Variants in NR6A1 observed in about 807,000 individuals in gnomAD.
NR6A1 encodes retinoic acid receptor-related testis-associated receptor.
In NR6A1, 7 loss-of-function variants were observed where a neutral mutation model predicts 59.1. The ratio of observed to expected loss-of-function variants is 0.12; its 90% confidence interval spans 0.07 to 0.22. The LOEUF (loss-of-function observed/expected upper bound fraction) is 0.22, where lower values mean the gene tolerates loss of function less well. Among genes scored for constraint, NR6A1 ranks in the 10% least tolerant of loss-of-function variants. NR6A1 has a pLI of 1.00. For synonymous variants in NR6A1, 243 were observed against 236.1 expected (o/e 1.03, Z -0.27); for missense variants, 468 against 611.6 (o/e 0.77, Z 2.48).
chr9:124,764,295 A>C (rs746463403), intron 1 of NR6A1, among the ~76,000 whole-genome samples: 4 of 152,226 alleles, frequency 2.6e-5, no homozygotes, highest in African/African-American at 7.2e-5. Context: ...CCTGAGCTCT[A>C]AACTATGGGA....
intron 2 of NR6A1, among the ~76,000 whole-genome samples, chr9:124,591,175 T>C (rs1835111185): frequency 6.6e-6 from 1 of 152,200 alleles, no homozygotes; most frequent in African/African-American, 2.4e-5. Context: ...CCACCAGCCA[T>C]AGGCTCACCC....
chr9:124,681,426 C>T (rs1218007160), intron 2 of NR6A1, among the ~76,000 whole-genome samples: 1 of 150,538 alleles, frequency 6.6e-6, no homozygotes, highest in Non-Finnish European at 1.5e-5. Context: ...ACTGCAACCT[C>T]CACCTTCCGG....
intron 2 of NR6A1, among the ~76,000 whole-genome samples, chr9:124,684,453 C>A (rs1564235969): frequency 1.3e-5 from 2 of 152,210 alleles, no homozygotes; most frequent in Admixed American, 1.3e-4. Flanking sequence ...TCAGGAAAGG[C>A]TTCTGTAATG....
intron 2 of NR6A1, among the ~76,000 whole-genome samples, chr9:124,660,668 A>AAAG (rs1837404470): frequency 6.6e-6 from 1 of 150,830 alleles, no homozygotes; most frequent in African/African-American, 2.4e-5. Flanking sequence ...AAAAAAAAAA[A>AAAG]GGCAACACAG....
chr9:124,543,880 A>T (rs1833518053), intron 3 of NR6A1, 23 bp from the exon 4 acceptor site: 3 of 1,610,780 alleles, frequency 1.9e-6, no homozygotes, highest in Non-Finnish European at 2.5e-6. Context: ...ATAAGTCAAG[A>T]AAGGCAGTCA....
intron 2 of NR6A1, among the ~76,000 whole-genome samples, chr9:124,600,951 G>GAA (rs201488136): frequency 0.011 from 1,392 of 125,028 alleles, 21 homozygotes; most frequent in African/African-American, 0.039. Context: ...GGCTGTGGGG[G>GAA]AAAAAAAAAA....
At chr9:124,729,811 ATTTT>A (rs536599510) in intron 2 of NR6A1, among the ~76,000 whole-genome samples, 2 of 140,036 alleles carry the variant, frequency 1.4e-5, no homozygotes, top group South Asian at 2.3e-4. Context: ...ATTTTGTCTA[ATTTT>A]TTTTTTTTTT....
chr9:124,570,571 C>T (rs1410582319), intron 2 of NR6A1, among the ~76,000 whole-genome samples: 1 of 152,210 alleles, frequency 6.6e-6, no homozygotes, highest in African/African-American at 2.4e-5. Context: ...CCTTAATTCC[C>T]TTCTTATCTC....
chr9:124,682,477 A>G (rs1170025898), intron 2 of NR6A1, among the ~76,000 whole-genome samples: 1 of 152,246 alleles, frequency 6.6e-6, no homozygotes, highest in African/African-American at 2.4e-5. Context: ...TGCAGATATG[A>G]GAATTCAGCT....
intron 1 of NR6A1, among the ~76,000 whole-genome samples, chr9:124,738,130 T>A (rs1840066279): frequency 6.6e-6 from 1 of 152,156 alleles, no homozygotes; most frequent in South Asian, 2.1e-4. Flanking sequence ...GGTGCACACC[T>A]GTAGTCACAG....
chr9:124,707,538 G>C (rs1419288923), intron 2 of NR6A1, among the ~76,000 whole-genome samples: 2 of 149,124 alleles, frequency 1.3e-5, no homozygotes, highest in African/African-American at 5.0e-5. Context: ...TCTTTCCTTA[G>C]TATGGGTCAA....
At chr9:124,683,768 G>A (rs956855907) in intron 2 of NR6A1, among the ~76,000 whole-genome samples, 2 of 152,116 alleles carry the variant, frequency 1.3e-5, no homozygotes, top group Admixed American at 6.6e-5. Flanking sequence ...ACTCCAGCTT[G>A]GGCAACAAGA....
Position 124,536,151 on chromosome 9 carries a change from G to A in NR6A1, c.825-19C>T. ...AGCGTATCTGAGGGGCAGGGACAGG[G>A]GAAAGTCACTTCCATTGGTCAGAGG... is the stretch of plus-strand genomic sequence containing the variant. On this transcript the variant is annotated intron_variant, in intron 6 of 9. Coordinates refer to ENST00000487099, the MANE Select transcript of NR6A1 (RefSeq NM_033334.4). 2.5e-6 allele frequency: 4 copies of A among 1,605,708 alleles called. No homozygotes were observed. The highest frequency in any genetic ancestry group is 3.4e-6 in the Non-Finnish European group (4 of 1,174,888).
At chr9:124,770,952 G>C (rs888596937) in intron 1 of NR6A1, 68 bp downstream of exon 1, 2 of 903,734 alleles carry the variant, frequency 2.2e-6, no homozygotes, top group Non-Finnish European at 2.9e-6. Context: ...AGAGAGGAGG[G>C]GGATCCCTGG....
intron 1 of NR6A1, among the ~76,000 whole-genome samples, chr9:124,753,518 G>A (rs575681442): frequency 3.3e-5 from 5 of 152,210 alleles, no homozygotes; most frequent in African/African-American, 1.2e-4. Flanking sequence ...TAAAAATACT[G>A]GTTTAGCAGA....
chr9:124,655,143 AAGGGTATAGTTCCT>A (rs1181378328), intron 2 of NR6A1, among the ~76,000 whole-genome samples: 1 of 152,184 alleles, frequency 6.6e-6, no homozygotes, highest in Non-Finnish European at 1.5e-5. Flanking sequence ...GCCATATCAG[AAGGGTATAGTTCCT>A]AATGCCCAAT....
intron 1 of NR6A1, among the ~76,000 whole-genome samples, chr9:124,770,752 A>G (rs1232867967): frequency 3.9e-5 from 5 of 127,604 alleles, no homozygotes; most frequent in Admixed American, 1.5e-4. Context: ...GGGGAGGGGG[A>G]AATGAAGCTC....
chr9:124,740,537 C>G (rs956744851), intron 1 of NR6A1, among the ~76,000 whole-genome samples: 8 of 152,162 alleles, frequency 5.3e-5, no homozygotes, highest in Non-Finnish European at 1.0e-4. Flanking sequence ...ATTGCTCTGA[C>G]GAATTCTGTG....
At chr9:124,579,965 GCAC>G (rs1276908334) in intron 2 of NR6A1, among the ~76,000 whole-genome samples, 1 of 152,046 alleles carries the variant, frequency 6.6e-6, no homozygotes, top group Non-Finnish European at 1.5e-5. Context: ...AGCTGAGATT[GCAC>G]CATTGCACTC....
Sources: gnomAD v4.1 joint callset for allele counts (sites outside exome capture counted in the v4.1 genomes callset) on GRCh38, gnomAD v4.1.1 for gene constraint, MANE v1.5 for transcripts, NCBI Gene and HGNC (gene_info 2026-07-23, HGNC 2026-07-21) for gene names.